Variants in MSR1 observed in about 807,000 individuals in gnomAD.
MSR1 encodes macrophage scavenger receptor types I and II.
A neutral mutation model predicts 47.2 loss-of-function variants in MSR1; 53 were observed. The observed-to-expected ratio is 1.12, with a 90% CI of 0.90 to 1.41. The LOEUF is 1.41. MSR1 is among the 40% of genes most tolerant of loss of function. MSR1 has a pLI of 0.00. For missense variants in MSR1, 786 were observed against 546.9 expected (o/e 1.44, Z -4.36); for synonymous variants, 239 against 185.6 (o/e 1.29, Z -2.34).
At chr8:16,120,019 A>G (rs1799960231) in intron 9 of MSR1, among the ~76,000 whole-genome samples, 1 of 151,782 alleles carries the variant, frequency 6.6e-6, no homozygotes, top group African/African-American at 2.4e-5. Context: ...CCAAGCCTAG[A>G]CTATGTTCCT....
intron 8 of MSR1, among the ~76,000 whole-genome samples, chr8:16,134,655 C>A (rs1800346665): frequency 6.6e-6 from 1 of 152,096 alleles, no homozygotes; most frequent in African/African-American, 2.4e-5. Flanking sequence ...AGTGGCACAT[C>A]TCTCATTTAA....
At position 16,120,616 on chromosome 8, in the gene MSR1, TAAAAAAA is replaced by T. The variant is rs60866666; in HGVS notation, c.1034-17_1034-11del. ...ACTTTCGTAAATGGAGCTGTAAAGT[TAAAAAAA>T]AAAAAAAAAAAAAAAAAAGGCAAGC... On this transcript the variant is annotated splice_polypyrimidine_tract_variant and intron_variant, in intron 8 of 9. Coordinates refer to ENST00000262101, the MANE Select transcript of MSR1 (RefSeq NM_138715.3). The T allele has an allele frequency of 0.015, 17,742 of 1,195,444 alleles. 38 individuals carry two copies. The highest frequency in any genetic ancestry group is 0.02 in the African/African-American group (787 of 38,862). 74.1% of individuals were successfully genotyped at this position (1,195,444 alleles called of 1,614,324 possible). A position where few individuals can be genotyped will look rare whatever the true frequency, so the allele number is the denominator to read the frequency against.
chr8:16,186,386 A>G, intron 1 of MSR1: 1 of 566,934 alleles, frequency 1.8e-6, no homozygotes, highest in East Asian at 2.8e-5. Context: ...TTAAGTCTTT[A>G]TCTCTTGCCC....
chr8:16,165,337 T>C (rs1801274480), intron 4 of MSR1, among the ~76,000 whole-genome samples: 1 of 152,128 alleles, frequency 6.6e-6, no homozygotes, highest in African/African-American at 2.4e-5. Context: ...ACATAGCAAA[T>C]CATTATTACT....
chr8:16,140,902 A>C (rs751697597), intron 8 of MSR1: 1 of 1,609,872 alleles, frequency 6.2e-7, no homozygotes, highest in East Asian at 2.2e-5. Flanking sequence ...GAGGAGTCAC[A>C]AAAGGATCTT....
At chr8:16,165,975 T>C (rs565424618) in intron 4 of MSR1, among the ~76,000 whole-genome samples, 2 of 152,210 alleles carry the variant, frequency 1.3e-5, no homozygotes, top group South Asian at 4.1e-4. Flanking sequence ...CATGGATGTT[T>C]GTAGGGCACA....
At chr8:16,178,168 T>C (rs35890267) in intron 1 of MSR1, among the ~76,000 whole-genome samples, 176 bp from the exon 2 acceptor site, 2,466 of 151,824 alleles carry the variant, frequency 0.016, 48 homozygotes, top group African/African-American at 0.047. Context: ...GTCTGTCATA[T>C]ATTATACATG....
At chr8:16,175,364 G>A (rs1801615923) in intron 2 of MSR1, 64 bp from the exon 3 acceptor site, 3 of 1,289,418 alleles carry the variant, frequency 2.3e-6, no homozygotes, top group African/African-American at 1.5e-5. Context: ...AATTAAAATT[G>A]TTTTAATCTC....
At chr8:16,134,282 T>C (rs1585147521) in intron 8 of MSR1, among the ~76,000 whole-genome samples, 2 of 152,170 alleles carry the variant, frequency 1.3e-5, no homozygotes, top group Non-Finnish European at 2.9e-5. Flanking sequence ...AATTAGATTC[T>C]ATTCAGACAT....
At position 16,109,871 on chromosome 8, in the gene MSR1, T is replaced by C. The variant is rs1799716722; in HGVS notation, c.*214A>G. ...GCATATAAGTCATTATATTAGAAAA[T>C]TCCATTTAAAAACCTATAGAAGTTA... On this transcript the variant is annotated 3_prime_UTR_variant, in exon 10 of 10. Coordinates refer to ENST00000262101, the MANE Select transcript of MSR1 (RefSeq NM_138715.3). The C allele has an allele frequency of 3.3e-6, 2 of 601,378 alleles. No individual in the cohort carries two copies. Among genetic ancestry groups the C allele is most frequent in the Non-Finnish European group, 5.7e-6 (2 of 352,566 alleles). The allele number at this position is 601,378 out of a possible 1,614,324, so 37.3% of individuals were successfully genotyped here. A position where few individuals can be genotyped will look rare whatever the true frequency, so the allele number is the denominator to read the frequency against.
In MSR1 at chr8:16,166,324, A is replaced by T. The variant is rs201271476; in HGVS notation, c.631-2073T>A. 1.4e-3 allele frequency among the ~76,000 whole-genome samples: 198 copies of T among 145,470 alleles called. 2 individuals are homozygous for T. The Middle Eastern group carries it at 0.014, about 10-fold the overall frequency. On this transcript the variant is annotated intron_variant, in intron 4 of 9. Coordinates refer to ENST00000262101, the MANE Select transcript of MSR1 (RefSeq NM_138715.3). ...AGGTGCACACTACCACACCTGACTAATTTTTTTTTTTTTAATTTTGTAGAG... is the reference window on the plus strand; with the variant it reads ...AGGTGCACACTACCACACCTGACTATTTTTTTTTTTTTTAATTTTGTAGAG...
At chr8:16,126,416 T>A (rs1279710775) in intron 8 of MSR1, among the ~76,000 whole-genome samples, 1 of 152,152 alleles carries the variant, frequency 6.6e-6, no homozygotes, top group East Asian at 1.9e-4. Flanking sequence ...AGGGTTAAAT[T>A]TATTACAATG....
chr8:16,160,722 A>G (rs543797365), intron 5 of MSR1, among the ~76,000 whole-genome samples: 1 of 152,136 alleles, frequency 6.6e-6, no homozygotes, highest in East Asian at 1.9e-4. Context: ...CTTTCAAGAG[A>G]AAGAGAAAAT....
intron 9 of MSR1, among the ~76,000 whole-genome samples, chr8:16,114,762 TA>T (rs1799837490): frequency 2.0e-5 from 3 of 152,160 alleles, no homozygotes; most frequent in Admixed American, 2.0e-4. Context: ...TAATTGTTCT[TA>T]AAACTAAGGA....
chr8:16,186,091 G>T (rs964528004), intron 1 of MSR1: 2 of 1,296,814 alleles, frequency 1.5e-6, no homozygotes, highest in Non-Finnish European at 2.1e-6. Context: ...AACCTTGCAA[G>T]ATTGGCAGTA....
rs351549 is a variant in MSR1, at chr8:16,138,160, T to C, written c.1033+5398A>G. On this transcript the variant is annotated intron_variant, in intron 8 of 9. Transcript: ENST00000262101. ...TTCCTATCGTTGTTTGAGTTTTAGA[T>C]AGGATACTCAAAATTCACATCCTAG... is the stretch of plus-strand genomic sequence containing the variant. Among the ~76,000 whole-genome samples, 634 of 152,286 alleles carry C rather than the reference T, an allele frequency of 4.2e-3. 6 individuals are homozygous for C. The highest frequency in any genetic ancestry group is 0.015 in the African/African-American group (608 of 41,584).
intron 8 of MSR1, chr8:16,120,984 A>G (rs1439146269): frequency 2.9e-5 from 9 of 313,210 alleles, no homozygotes; most frequent in South Asian, 2.3e-4. Flanking sequence ...TTGACATACA[A>G]ACATACAAAC....
At chr8:16,180,235 A>G (rs532553357) in intron 1 of MSR1, among the ~76,000 whole-genome samples, 34 of 149,522 alleles carry the variant, frequency 2.3e-4, no homozygotes, top group African/African-American at 8.4e-4. Context: ...AGCCATATAA[A>G]TATGTCCTTG....
rs1271960355 is a variant in MSR1, at chr8:16,168,570, A to G, written c.518T>C (p.Ile173Thr). 15 of 1,614,118 alleles carry G rather than the reference A, an allele frequency of 9.3e-6. No individual in the cohort carries two copies. The highest frequency in any genetic ancestry group is 5.5e-5 in the South Asian group (5 of 91,086). ...FSSVQGHGNA[I>T]DEISKSLISL... ...TATTAAGGACTTGGAGATTTCATCT[A>G]TTGCATTCCCATGTCCCTGGACTGA... The change falls in exon 4 of 10, where the codon ATA (isoleucine) becomes ACA (threonine). Residue 173 changes from isoleucine to threonine, a missense_variant. Transcript: ENST00000262101.
Sources: gnomAD v4.1 joint callset for allele counts (sites outside exome capture counted in the v4.1 genomes callset) on GRCh38, gnomAD v4.1.1 for gene constraint, MANE v1.5 for transcripts, NCBI Gene and HGNC (gene_info 2026-07-23, HGNC 2026-07-21) for gene names.